Variants in LRRC28 observed in about 807,000 individuals in gnomAD.
LRRC28 encodes leucine-rich repeat-containing protein 28.
A neutral mutation model predicts 45.7 loss-of-function variants in LRRC28; 39 were observed. The ratio of observed to expected loss-of-function variants is 0.85; its 90% CI spans 0.66 to 1.12. The LOEUF is 1.12. Ranked by LOEUF, LRRC28 falls within the 50% of genes most tolerant of loss-of-function variation. The pLI, the probability that LRRC28 is intolerant of heterozygous loss-of-function variation, is 0.00. For missense variants in LRRC28, 435 were observed against 438.5 expected, an observed-to-expected ratio of 0.99 and a Z score of 0.07; for synonymous variants, 206 against 178.8, an observed-to-expected ratio of 1.15 and a Z score of -1.22.
At chr15:99,316,817 G>A (rs79697991) in intron 5 of LRRC28, among the ~76,000 whole-genome samples, 21,289 of 151,938 alleles carry the variant, frequency 0.14, 1,524 homozygotes, top group Non-Finnish European at 0.16. Flanking sequence ...TACAAGCTTG[G>A]ACACCAGGGA....
chr15:99,337,643 A>C (rs926541250), intron 6 of LRRC28, among the ~76,000 whole-genome samples: 2 of 152,128 alleles, frequency 1.3e-5, no homozygotes, highest in Non-Finnish European at 2.9e-5. Flanking sequence ...TGAATTTGTG[A>C]ATGTGGTGTC....
intron 5 of LRRC28, among the ~76,000 whole-genome samples, chr15:99,319,137 T>C (rs1305232231): frequency 6.6e-6 from 1 of 152,132 alleles, no homozygotes; most frequent in African/African-American, 2.4e-5. Context: ...TATTCTGGAC[T>C]ATGATGCTGT....
At chr15:99,336,556 C>G (rs980499504) in intron 6 of LRRC28, among the ~76,000 whole-genome samples, 1 of 152,174 alleles carries the variant, frequency 6.6e-6, no homozygotes, top group Non-Finnish European at 1.5e-5. Flanking sequence ...TATTGACACT[C>G]TCGTTGGCCT....
intron 6 of LRRC28, among the ~76,000 whole-genome samples, chr15:99,347,430 A>C (rs1956727098): frequency 6.6e-6 from 1 of 152,104 alleles, no homozygotes; most frequent in Non-Finnish European, 1.5e-5. Context: ...GATGGTCTTG[A>C]TCTCCTGACC....
intron 6 of LRRC28, among the ~76,000 whole-genome samples, chr15:99,352,121 G>T (rs551187740): frequency 6.6e-6 from 1 of 152,078 alleles, no homozygotes; most frequent in Non-Finnish European, 1.5e-5. Flanking sequence ...GATTTTACAG[G>T]GTCCACACGT....
Position 99,362,972 on chromosome 15 carries a change from A to C in LRRC28, c.872-134A>C, listed in dbSNP as rs1294345621. Reference sequence around the variant, plus strand: ...GTTAGATTTTTATTCAGTGTGTATCAATCAGATAACAGAATTTTCAACATG... The same window carrying C: ...GTTAGATTTTTATTCAGTGTGTATCCATCAGATAACAGAATTTTCAACATG... On this transcript the variant is annotated intron_variant, in intron 8 of 9. Coordinates refer to ENST00000301981, the MANE Select transcript of LRRC28 (RefSeq NM_144598.5). 41 of 968,236 alleles carry C rather than the reference A, an allele frequency of 4.2e-5. No homozygotes were observed. In the Admixed American group the frequency reaches 1.0e-3, roughly 24 times the overall value. 60.0% of individuals were successfully genotyped at this position (968,236 alleles called of 1,614,324 possible).
intron 2 of LRRC28, among the ~76,000 whole-genome samples, chr15:99,257,012 A>G (rs888646563): frequency 2.0e-5 from 3 of 152,084 alleles, no homozygotes; most frequent in African/African-American, 7.2e-5. Context: ...CCTTCCCTAT[A>G]CTGGACTTTG....
At chr15:99,257,766 G>A (rs2081067769) in intron 2 of LRRC28, 1 of 776,296 alleles carries the variant, frequency 1.3e-6, no homozygotes, top group Admixed American at 1.7e-5. Context: ...AAGGATGGAT[G>A]ATGAAGTAGT....
chr15:99,269,880 G>A (rs1309489297), intron 2 of LRRC28, among the ~76,000 whole-genome samples: 1 of 152,156 alleles, frequency 6.6e-6, no homozygotes, highest in Non-Finnish European at 1.5e-5. Context: ...TATGAAGTGA[G>A]TCAAGAGACA....
At chr15:99,377,337 A>G (rs1405430778) in intron 9 of LRRC28, among the ~76,000 whole-genome samples, 1 of 152,146 alleles carries the variant, frequency 6.6e-6, no homozygotes, top group Non-Finnish European at 1.5e-5. Flanking sequence ...GGCTGCATAA[A>G]TGTCTTCTTT....
intron 2 of LRRC28, among the ~76,000 whole-genome samples, chr15:99,261,815 G>A (rs571785023): frequency 2.4e-4 from 36 of 151,814 alleles, no homozygotes; most frequent in Non-Finnish European, 4.7e-4. Flanking sequence ...GCACCACCAC[G>A]CCCGGCTAAT....
chr15:99,346,848 C>T (rs1956698783), intron 6 of LRRC28, among the ~76,000 whole-genome samples: 2 of 151,952 alleles, frequency 1.3e-5, no homozygotes, highest in South Asian at 4.2e-4. Flanking sequence ...AATTGCATGA[C>T]CTCTGTTCAG....
intron 6 of LRRC28, among the ~76,000 whole-genome samples, chr15:99,335,892 G>T: frequency 6.6e-6 from 1 of 152,102 alleles, no homozygotes; most frequent in Non-Finnish European, 1.5e-5. Context: ...GATTTGTGTG[G>T]CATGAAATGC....
At chr15:99,380,238 A>G (rs1416392839) in intron 9 of LRRC28, among the ~76,000 whole-genome samples, 8 of 152,212 alleles carry the variant, frequency 5.3e-5, no homozygotes, top group Admixed American at 5.2e-4. Context: ...GGGTGCATAT[A>G]TATTTAGGAT....
intron 6 of LRRC28, among the ~76,000 whole-genome samples, chr15:99,340,154 T>G (rs1956459116): frequency 6.6e-6 from 1 of 152,234 alleles, no homozygotes; most frequent in African/African-American, 2.4e-5. Context: ...AAGCTGGCCC[T>G]TTATCACATA....
chr15:99,285,215 C>A, intron 3 of LRRC28: 1 of 731,432 alleles, frequency 1.4e-6, no homozygotes, highest in Non-Finnish European at 2.5e-6. Context: ...TCAAAATAAT[C>A]TTAGGTAATG....
intron 5 of LRRC28, among the ~76,000 whole-genome samples, chr15:99,303,698 G>C (rs1955067896): frequency 6.6e-6 from 1 of 152,076 alleles, no homozygotes; most frequent in African/African-American, 2.4e-5. Flanking sequence ...GCTGGGCGTG[G>C]TGGTGCATGC....
intron 9 of LRRC28, among the ~76,000 whole-genome samples, chr15:99,376,231 C>A (rs1957627544): frequency 6.6e-6 from 1 of 152,096 alleles, no homozygotes; most frequent in African/African-American, 2.4e-5. Flanking sequence ...GAAGTGTGGT[C>A]ATTTGATCCA....
chr15:99,327,144 G>A (rs1030366492), intron 5 of LRRC28, among the ~76,000 whole-genome samples: 4 of 151,814 alleles, frequency 2.6e-5, no homozygotes, highest in Admixed American at 6.6e-5. Flanking sequence ...GCACGATCTC[G>A]GCTCATGGCA....
Sources: gnomAD v4.1 joint callset for allele counts (sites outside exome capture counted in the v4.1 genomes callset) on GRCh38, gnomAD v4.1.1 for gene constraint, MANE v1.5 for transcripts, NCBI Gene and HGNC (gene_info 2026-07-23, HGNC 2026-07-21) for gene names.